MACROH2A1: variants seen among roughly 807,000 people sequenced by gnomAD.
MACROH2A1 encodes core histone macro-H2A.1.
Under a neutral mutation model 31.6 loss-of-function variants are expected in MACROH2A1, and 2 were observed. That is an observed-to-expected ratio of 0.06 (90% CI 0.03 to 0.20). The LOEUF (loss-of-function observed/expected upper bound fraction) is 0.20, where lower values mean the gene tolerates loss of function less well. Ranked by LOEUF, MACROH2A1 falls within the 10% of genes least tolerant of loss-of-function variation. MACROH2A1 has a pLI of 1.00. For missense variants in MACROH2A1, 230 were observed against 474.0 expected, an observed-to-expected ratio of 0.49 and a Z score of 4.78; for synonymous variants, 169 against 189.6, an observed-to-expected ratio of 0.89 and a Z score of 0.89.
intron 4 of MACROH2A1, chr5:135,360,912 T>C: frequency 2.0e-6 from 1 of 491,820 alleles, no homozygotes; most frequent in Non-Finnish European, 3.8e-6. Context: ...ACCAAGTAAA[T>C]GTCTCTTAAT....
intron 5 of MACROH2A1, chr5:135,354,809 GCAAATGCTATTTACAAAAACT>G: frequency 2.9e-6 from 1 of 341,716 alleles, no homozygotes; most frequent in South Asian, 2.3e-5. Flanking sequence ...TTGGCTCCAA[GCAAATGCTATTTACAAAAACT>G]CAAATTAAGC....
intron 4 of MACROH2A1, chr5:135,362,287 G>T (rs1762936857): frequency 6.6e-6 from 1 of 152,200 alleles, no homozygotes; most frequent in Non-Finnish European, 1.5e-5. Flanking sequence ...GTGTACCACG[G>T]TTATGTGAGA....
At chr5:135,339,901 C>T (rs1047901571) in intron 8 of MACROH2A1, among the ~76,000 whole-genome samples, 2 of 152,194 alleles carry the variant, frequency 1.3e-5, no homozygotes, top group East Asian at 1.9e-4. Context: ...TCCAGGCCCC[C>T]GGGCTTTGGG....
At chr5:135,351,854 C>T (rs527913762) in intron 6 of MACROH2A1, among the ~76,000 whole-genome samples, 1 of 152,050 alleles carries the variant, frequency 6.6e-6, no homozygotes, top group African/African-American at 2.4e-5. Flanking sequence ...TGAGCCACTG[C>T]ACCTGGCCTT....
At chr5:135,353,369 G>A in intron 5 of MACROH2A1, 1 of 316,420 alleles carries the variant, frequency 3.2e-6, no homozygotes, top group South Asian at 3.5e-5. Flanking sequence ...GCAGCTATCA[G>A]GACCTAGAAT....
intron 8 of MACROH2A1, among the ~76,000 whole-genome samples, chr5:135,336,955 T>A (rs1046781250): frequency 6.6e-6 from 1 of 152,200 alleles, no homozygotes; most frequent in African/African-American, 2.4e-5. Flanking sequence ...TTGCAGCCTG[T>A]ACTTAGGGGC....
At chr5:135,359,901 A>G in intron 5 of MACROH2A1, 1 of 985,398 alleles carries the variant, frequency 1.0e-6, no homozygotes, top group Non-Finnish European at 1.2e-6. Context: ...ATTGTCTTTT[A>G]CAAAACCATG....
intron 2 of MACROH2A1, among the ~76,000 whole-genome samples, chr5:135,386,990 G>A (rs1474562350): frequency 6.6e-6 from 1 of 152,188 alleles, no homozygotes; most frequent in East Asian, 1.9e-4. Flanking sequence ...GGCCTTCACA[G>A]CAGCCTGGAG....
chr5:135,346,463 A>C, intron 6 of MACROH2A1: 2 of 197,512 alleles, frequency 1.0e-5, no homozygotes, highest in South Asian at 9.9e-5. Flanking sequence ...TCTGGGGAGA[A>C]CCCCCAAGTA....
intron 2 of MACROH2A1, among the ~76,000 whole-genome samples, chr5:135,374,624 T>G (rs1764615323): frequency 1.3e-5 from 2 of 152,148 alleles, no homozygotes; most frequent in South Asian, 4.1e-4. Context: ...GGAGGGTGGG[T>G]TCTTGCACTC....
intron 2 of MACROH2A1, among the ~76,000 whole-genome samples, chr5:135,385,390 C>A (rs559932603): frequency 6.6e-6 from 1 of 152,174 alleles, no homozygotes; most frequent in Admixed American, 6.5e-5. Flanking sequence ...CTTGCCTATA[C>A]CTGTTTCTGG....
At chr5:135,336,588 A>G (rs900970060) in intron 8 of MACROH2A1, among the ~76,000 whole-genome samples, 2 of 152,174 alleles carry the variant, frequency 1.3e-5, no homozygotes, top group African/African-American at 2.4e-5. Context: ...TCTGGCCACG[A>G]GAGTGGTGTT....
At chr5:135,347,084 A>G (rs1760933583) in intron 6 of MACROH2A1, 1 of 152,194 alleles carries the variant, frequency 6.6e-6, no homozygotes, top group South Asian at 2.1e-4. Context: ...TAAGATTCAC[A>G]TCTGTCTTGG....
chr5:135,373,147 C>T (rs1352794283), intron 2 of MACROH2A1, among the ~76,000 whole-genome samples: 1 of 152,172 alleles, frequency 6.6e-6, no homozygotes, highest in Non-Finnish European at 1.5e-5. Flanking sequence ...GTTTCCTCTT[C>T]CTGCCCAAAA....
intron 2 of MACROH2A1, among the ~76,000 whole-genome samples, chr5:135,378,416 G>C (rs980109708): frequency 6.6e-6 from 1 of 152,180 alleles, no homozygotes; most frequent in Non-Finnish European, 1.5e-5. Context: ...ATCCTTCAAG[G>C]CCTATCTTGC....
intron 2 of MACROH2A1, among the ~76,000 whole-genome samples, chr5:135,378,014 G>A (rs1765124527): frequency 6.6e-6 from 1 of 152,148 alleles, no homozygotes; most frequent in Admixed American, 6.5e-5. Context: ...CTGCCGGTGT[G>A]GATTCCCGAT....
intron 4 of MACROH2A1, among the ~76,000 whole-genome samples, chr5:135,364,567 A>T (rs1320313275): frequency 6.6e-6 from 1 of 151,914 alleles, no homozygotes; most frequent in Non-Finnish European, 1.5e-5. Flanking sequence ...TGTCCTACAA[A>T]CCCATAAATT....
intron 1 of MACROH2A1, among the ~76,000 whole-genome samples, chr5:135,393,959 G>T (rs760236605): frequency 2.6e-5 from 4 of 152,198 alleles, no homozygotes; most frequent in Non-Finnish European, 5.9e-5. Flanking sequence ...AACAGAGTCT[G>T]ACCACAGGCC....
intron 2 of MACROH2A1, among the ~76,000 whole-genome samples, chr5:135,377,807 GC>G (rs1765095739): frequency 6.6e-6 from 1 of 152,194 alleles, no homozygotes; most frequent in Non-Finnish European, 1.5e-5. Flanking sequence ...CAGGTCACAA[GC>G]CCCCTTACCC....
Sources: allele counts gnomAD v4.1 joint callset (sites outside exome capture counted in the v4.1 genomes callset), GRCh38; gene constraint gnomAD v4.1.1; transcripts MANE v1.5; gene names NCBI Gene and HGNC (gene_info 2026-07-23, HGNC 2026-07-21).